Variants in JAZF1 observed in about 807,000 individuals in gnomAD.
JAZF1 encodes JAZF zinc finger 1.
In JAZF1, 8 loss-of-function variants were observed where a neutral mutation model predicts 26.4. The observed-to-expected ratio is 0.30, with a 90% CI of 0.18 to 0.55. JAZF1 has a LOEUF of 0.55. Among genes scored for constraint, JAZF1 ranks in the 20% least tolerant of loss-of-function variants. The pLI, the probability that JAZF1 is intolerant of heterozygous loss-of-function variation, is 0.94. For synonymous variants in JAZF1, 126 were observed against 122.3 expected (o/e 1.03, Z -0.20); for missense variants, 199 against 322.0 (o/e 0.62, Z 2.92).
chr7:28,057,357 G>C (rs1783728831), intron 1 of JAZF1, among the ~76,000 whole-genome samples: 1 of 152,242 alleles, frequency 6.6e-6, no homozygotes, highest in South Asian at 2.1e-4. Context: ...GTTGAAGAGA[G>C]ACCCTGCAAA....
chr7:28,033,565 G>A (rs1025112963), intron 1 of JAZF1, among the ~76,000 whole-genome samples: 2 of 152,188 alleles, frequency 1.3e-5, no homozygotes, highest in African/African-American at 4.8e-5. Flanking sequence ...TTACTGTAAT[G>A]TGACCACAGG....
chr7:28,140,918 A>G (rs1392512943), intron 1 of JAZF1, among the ~76,000 whole-genome samples: 1 of 152,234 alleles, frequency 6.6e-6, no homozygotes, highest in Non-Finnish European at 1.5e-5. Context: ...GTGATGCTCA[A>G]ATATAATTTG....
intron 1 of JAZF1, among the ~76,000 whole-genome samples, chr7:28,063,191 T>G (rs1397926761): frequency 6.6e-6 from 1 of 152,240 alleles, no homozygotes; most frequent in African/African-American, 2.4e-5. Context: ...GTTTATAATT[T>G]AAAAATAACA....
intron 1 of JAZF1, among the ~76,000 whole-genome samples, chr7:28,041,401 T>A (rs2128377416): frequency 6.6e-6 from 1 of 151,120 alleles, no homozygotes; most frequent in South Asian, 2.1e-4. Context: ...GTATAAGCTA[T>A]TTTTTAAAAG....
intron 2 of JAZF1, among the ~76,000 whole-genome samples, chr7:27,971,206 C>T (rs1010556630): frequency 6.6e-6 from 1 of 152,114 alleles, no homozygotes; most frequent in South Asian, 2.1e-4. Flanking sequence ...CTTTGGGTGT[C>T]GTTTGTGATG....
intron 3 of JAZF1, chr7:27,864,066 C>T (rs1369710317): frequency 1.3e-5 from 2 of 152,226 alleles, no homozygotes; most frequent in Non-Finnish European, 2.9e-5. Flanking sequence ...TCACCAGGAG[C>T]GCAGGGCCCT....
intron 1 of JAZF1, among the ~76,000 whole-genome samples, chr7:28,165,665 C>A (rs769271025): frequency 6.6e-5 from 10 of 152,182 alleles, no homozygotes; most frequent in Non-Finnish European, 1.2e-4. Context: ...GCCCCAATGG[C>A]TCATTCACTC....
intron 1 of JAZF1, among the ~76,000 whole-genome samples, chr7:28,086,515 T>A (rs896655366): frequency 1.3e-5 from 2 of 152,218 alleles, no homozygotes; most frequent in African/African-American, 4.8e-5. Context: ...TCACTGCCTG[T>A]CACAGTGGTT....
chr7:27,906,212 C>T (rs1001940785), intron 2 of JAZF1, among the ~76,000 whole-genome samples: 1 of 152,040 alleles, frequency 6.6e-6, no homozygotes, highest in African/African-American at 2.4e-5. Flanking sequence ...GCTGAGTGTC[C>T]TCTCACAGCT....
intron 2 of JAZF1, among the ~76,000 whole-genome samples, chr7:27,933,105 C>T (rs1432536191): frequency 1.3e-5 from 2 of 152,050 alleles, no homozygotes; most frequent in African/African-American, 2.4e-5. Context: ...AAAATGGGCT[C>T]AGTGATGTAT....
At chr7:28,064,724 C>A (rs1375391310) in intron 1 of JAZF1, among the ~76,000 whole-genome samples, 5 of 152,058 alleles carry the variant, frequency 3.3e-5, no homozygotes. Flanking sequence ...ACTTGAGAAC[C>A]AAAGAAGTTT....
At chr7:28,099,086 C>T (rs1784428051) in intron 1 of JAZF1, among the ~76,000 whole-genome samples, 2 of 152,180 alleles carry the variant, frequency 1.3e-5, no homozygotes, top group Admixed American at 6.5e-5. Context: ...TCTATTATTG[C>T]TGGCATGTTA....
chr7:27,922,188 A>C (rs1784540200), intron 2 of JAZF1, among the ~76,000 whole-genome samples: 1 of 152,260 alleles, frequency 6.6e-6, no homozygotes, highest in Admixed American at 6.5e-5. Context: ...ACAAATAAAT[A>C]AGGTCTGATT....
At chr7:28,044,024 T>C (rs758730855) in intron 1 of JAZF1, among the ~76,000 whole-genome samples, 2 of 152,124 alleles carry the variant, frequency 1.3e-5, no homozygotes, top group African/African-American at 2.4e-5. Flanking sequence ...TTGAGGTTTC[T>C]TTTGGGGTGA....
chr7:27,840,092 G>A lies in JAZF1; in HGVS notation c.555+606C>T. Among the ~76,000 whole-genome samples the A allele has an allele frequency of 6.6e-6, 1 of 152,128 alleles. No individual in the cohort carries two copies. The highest frequency in any genetic ancestry group is 6.5e-5 in the Admixed American group (1 of 15,276). On this transcript the variant is annotated intron_variant, in intron 4 of 4. Coordinates refer to ENST00000283928, the MANE Select transcript of JAZF1 (RefSeq NM_175061.4). This position sits in a 1 kb window ranked among gnomAD's most constrained non-coding sequence, Gnocchi z 5.1. Reference sequence around the variant, plus strand: ...ACCCCCAGCTGCCCATGACACCCAGGCCCTCAGAGACCTGGGTCAGCAGAC... The same window carrying A: ...ACCCCCAGCTGCCCATGACACCCAGACCCTCAGAGACCTGGGTCAGCAGAC...
At chr7:28,150,438 G>A (rs1783094230) in intron 1 of JAZF1, among the ~76,000 whole-genome samples, 1 of 152,216 alleles carries the variant, frequency 6.6e-6, no homozygotes, top group African/African-American at 2.4e-5. Flanking sequence ...TTTTGTAAAA[G>A]AAACAACAGT....
At chr7:27,914,941 G>T in intron 2 of JAZF1, 2 of 405,936 alleles carry the variant, frequency 4.9e-6, no homozygotes, top group Non-Finnish European at 5.1e-6. Flanking sequence ...TTATGTAAAG[G>T]ATTTTAGCTG....
At chr7:28,025,569 T>A (rs994616330) in intron 1 of JAZF1, among the ~76,000 whole-genome samples, 1 of 152,196 alleles carries the variant, frequency 6.6e-6, no homozygotes, top group Non-Finnish European at 1.5e-5. Context: ...GTAAAATACG[T>A]CATTTAAAAA....
At chr7:28,016,362 T>C (rs1451132247) in intron 1 of JAZF1, among the ~76,000 whole-genome samples, 1 of 152,226 alleles carries the variant, frequency 6.6e-6, no homozygotes, top group East Asian at 1.9e-4. Flanking sequence ...CTAAGAGGCC[T>C]GAACAACCCA....
Sources: allele counts gnomAD v4.1 joint callset (sites outside exome capture counted in the v4.1 genomes callset), GRCh38; gene constraint gnomAD v4.1.1; non-coding constraint Gnocchi (gnomAD v3.1); transcripts MANE v1.5; gene names NCBI Gene and HGNC (gene_info 2026-07-23, HGNC 2026-07-21).